Variants in DMD observed in about 807,000 individuals in gnomAD.
The protein encoded by DMD is mutant dystrophin.
In DMD, 63 loss-of-function variants were observed where a neutral mutation model predicts 330.1. The observed-to-expected ratio is 0.19, with a 90% CI of 0.16 to 0.24. The LOEUF (loss-of-function observed/expected upper bound fraction) is 0.24. Ranked by LOEUF, DMD falls within the 10% of genes least tolerant of loss-of-function variation. The probability of loss-of-function intolerance (pLI) is 1.00; values close to 1 mark genes in which losing one functional copy is unlikely to be tolerated. For missense variants in DMD, 3,344 were observed against 2,684.1 expected (o/e 1.25, Z -5.43); for synonymous variants, 1,223 against 959.8 (o/e 1.27, Z -5.07).
chrX:31,389,941 C>A (rs1302671751), intron 60 of DMD, among the ~76,000 whole-genome samples: 1 of 111,778 alleles, frequency 8.9e-6, no homozygotes, highest in Non-Finnish European at 1.9e-5. Flanking sequence ...CATTCTAGAG[C>A]AAGCCCTCAT....
chrX:33,010,151 T>TAC (rs2093659167), intron 2 of DMD, among the ~76,000 whole-genome samples: 2 of 104,335 alleles, frequency 1.9e-5, no homozygotes, highest in Non-Finnish European at 3.9e-5. Flanking sequence ...CGTGTATATA[T>TAC]ACATGTGTGT....
At chrX:33,075,082 G>A (rs181277330) in intron 1 of DMD, among the ~76,000 whole-genome samples, 3 of 111,747 alleles carry the variant, frequency 2.7e-5, no homozygotes, top group East Asian at 2.8e-4. Flanking sequence ...CAAGACACGC[G>A]ACTTCCCCAA....
intron 2 of DMD, among the ~76,000 whole-genome samples, chrX:33,005,716 C>T (rs1303774801): frequency 9.0e-6 from 1 of 110,655 alleles, no homozygotes; most frequent in Non-Finnish European, 1.9e-5. Context: ...ACAAAAATGT[C>T]TCTCTTACCA....
At chrX:32,067,525 A>C (rs752860231) in intron 44 of DMD, among the ~76,000 whole-genome samples, 1 of 110,393 alleles carries the variant, frequency 9.1e-6, no homozygotes, top group African/African-American at 3.3e-5. Context: ...CCCTTCTATT[A>C]GTCCCTAGTT....
chrX:31,592,926 A>C (rs2076945068), intron 55 of DMD, among the ~76,000 whole-genome samples: 1 of 111,318 alleles, frequency 9.0e-6, no homozygotes, highest in Non-Finnish European at 1.9e-5. Flanking sequence ...GGATCAAAGA[A>C]GTGTGTACAT....
chrX:31,769,970 T>C (rs1280069321), intron 51 of DMD, among the ~76,000 whole-genome samples: 3 of 111,921 alleles, frequency 2.7e-5, no homozygotes, highest in African/African-American at 9.8e-5. Flanking sequence ...TGTATTAACA[T>C]GTGACCCAAA....
chrX:32,098,779 T>G (rs1304122308), intron 44 of DMD, among the ~76,000 whole-genome samples: 1 of 112,435 alleles, frequency 8.9e-6, no homozygotes, highest in African/African-American at 3.2e-5. Context: ...ATCACCTGAT[T>G]AATGCAACTT....
chrX:31,178,327 T>C (rs968315392), intron 70 of DMD: 1 of 975,210 alleles, frequency 1.0e-6, no homozygotes, highest in African/African-American at 2.0e-5. Context: ...TTTACTGATT[T>C]GTGAGAGAGG....
chrX:31,766,729 AT>A, intron 51 of DMD, among the ~76,000 whole-genome samples: 1 of 112,368 alleles, frequency 8.9e-6, no homozygotes, highest in African/African-American at 3.2e-5. Context: ...TTGAATTAAA[AT>A]ATAATAAGAT....
chrX:32,769,022 G>T (rs1434241347), intron 7 of DMD, among the ~76,000 whole-genome samples: 1 of 111,210 alleles, frequency 9.0e-6, no homozygotes, highest in Non-Finnish European at 1.9e-5. Context: ...TTCTGTATTT[G>T]CTTCCCCCTC....
intron 17 of DMD, among the ~76,000 whole-genome samples, chrX:32,521,515 G>A (rs2046419571): frequency 8.9e-6 from 1 of 111,806 alleles, no homozygotes; most frequent in African/African-American, 3.3e-5. Flanking sequence ...TCTCTCACCA[G>A]AAAACACATC....
chrX:31,239,707 C>G (rs1011140645), intron 63 of DMD, among the ~76,000 whole-genome samples: 1 of 111,953 alleles, frequency 8.9e-6, no homozygotes, highest in South Asian at 3.8e-4. Context: ...CAAGCAGGGT[C>G]TAATTTTCCC....
chrX:31,461,718 A>G (rs2066538750), intron 59 of DMD, among the ~76,000 whole-genome samples: 1 of 111,769 alleles, frequency 8.9e-6, no homozygotes, highest in African/African-American at 3.2e-5. Flanking sequence ...CTCATTATTT[A>G]TAAAGAATTA....
chrX:31,690,168 C>G (rs1364406882), intron 52 of DMD, among the ~76,000 whole-genome samples: 2 of 111,944 alleles, frequency 1.8e-5, no homozygotes, highest in Non-Finnish European at 3.8e-5. Context: ...AAACTACCAT[C>G]AGAGTGAACA....
At chrX:31,878,578 A>T (rs2094004588) in intron 47 of DMD, among the ~76,000 whole-genome samples, 2 of 112,304 alleles carry the variant, frequency 1.8e-5, no homozygotes, top group South Asian at 7.3e-4. Context: ...AGGCAAAATC[A>T]AAAACAAATG....
chrX:33,195,829 A>C (rs1375995104), intron 1 of DMD, among the ~76,000 whole-genome samples: 1 of 108,171 alleles, frequency 9.2e-6, no homozygotes, highest in East Asian at 3.0e-4. Flanking sequence ...CTGAGTTTCA[A>C]ATATGTATAC....
chrX:31,998,722 G>A (rs487719), intron 44 of DMD, among the ~76,000 whole-genome samples: 3 of 110,734 alleles, frequency 2.7e-5, no homozygotes, highest in African/African-American at 9.8e-5. Flanking sequence ...ATTCACAGAA[G>A]GCTTACAATT....
At chrX:32,802,232 A>T (rs888619622) in intron 7 of DMD, among the ~76,000 whole-genome samples, 1 of 111,149 alleles carries the variant, frequency 9.0e-6, no homozygotes, top group Non-Finnish European at 1.9e-5. Context: ...CACATCCCTT[A>T]TAAGTTGGAT....
intron 62 of DMD, among the ~76,000 whole-genome samples, chrX:31,284,605 C>CTTCTTCTTCTTCT (rs776178641): frequency 3.3e-5 from 3 of 91,093 alleles, no homozygotes; most frequent in Non-Finnish European, 6.5e-5. Context: ...TCTTCTTCTT[C>CTTCTTCTTCTTCT]TTTTTTTTGG....
Sources: allele counts gnomAD v4.1 joint callset (sites outside exome capture counted in the v4.1 genomes callset), GRCh38; gene constraint gnomAD v4.1.1; transcripts MANE v1.5; gene names NCBI Gene and HGNC (gene_info 2026-07-23, HGNC 2026-07-21).